Variants in SORCS1 observed in about 807,000 individuals in gnomAD.
SORCS1 encodes the protein sortilin related VPS10 domain containing receptor 1.
SORCS1 carries 60 observed loss-of-function variants against 146.1 expected under a neutral mutation model. That is an observed-to-expected ratio of 0.41 (90% CI 0.33 to 0.51). The LOEUF (loss-of-function observed/expected upper bound fraction) is 0.51. Among genes scored for constraint, SORCS1 ranks in the 20% least tolerant of loss-of-function variants. The probability of loss-of-function intolerance (pLI) is 0.21; values close to 1 mark genes in which losing one functional copy is unlikely to be tolerated. For synonymous variants in SORCS1, 637 were observed against 584.0 expected, an observed-to-expected ratio of 1.09 and a Z score of -1.31; for missense variants, 1,352 against 1,487.6, an observed-to-expected ratio of 0.91 and a Z score of 1.50.
Position 106,776,619 on chromosome 10 carries a change from T to A in SORCS1, c.800A>T (p.Lys267Met). The A allele has an allele frequency of 6.2e-7, 1 of 1,614,120 alleles. No homozygotes were observed. ...ISSDEGATYQ[K>M]YRLNFYIQSL... Reference sequence around the variant, plus strand: ...TTGAATGTAGAAGTTCAGCCGGTACTTTTGATAAGTTGCCCCTTCATCTGA... The same window carrying A: ...TTGAATGTAGAAGTTCAGCCGGTACATTTGATAAGTTGCCCCTTCATCTGA... The change falls in exon 4 of 26, where the codon AAG becomes ATG. Residue 267 changes from lysine (K) to methionine (M), a missense_variant. Lys to Met is a moderately conservative substitution (Grantham distance 95). Coordinates refer to ENST00000263054, the MANE Select transcript of SORCS1 (RefSeq NM_052918.5).
chr10:106,681,394 T>G (rs1426171461), intron 10 of SORCS1, among the ~76,000 whole-genome samples: 15 of 152,242 alleles, frequency 9.9e-5, no homozygotes, highest in Admixed American at 9.8e-4. Context: ...TCTCTAAGAA[T>G]ACACTCTATA....
intron 8 of SORCS1, among the ~76,000 whole-genome samples, chr10:106,701,494 G>C (rs1040282301): frequency 3.9e-5 from 6 of 152,120 alleles, no homozygotes; most frequent in Non-Finnish European, 7.4e-5. Flanking sequence ...TCTCACTATT[G>C]GTTTTTAAGC....
intron 1 of SORCS1, among the ~76,000 whole-genome samples, chr10:107,046,215 G>A (rs1959413758): frequency 6.6e-6 from 1 of 151,954 alleles, no homozygotes; most frequent in South Asian, 2.1e-4. Flanking sequence ...AAGTGCTGGA[G>A]TTGCAATCGG....
At position 107,062,184 on chromosome 10, in the gene SORCS1, A is replaced by G. The variant is rs550702675; in HGVS notation, c.558+101785T>C. ...ATTTTCTTAACTTCAAAGAGCTTAA[A>G]TTTATAACAATAATCTTTATTTATA... On this transcript the variant is annotated intron_variant, in intron 1 of 25. Transcript: ENST00000263054. 1.1e-3 allele frequency among the ~76,000 whole-genome samples: 173 copies of G among 152,318 alleles called. 1 individual carries two copies. The highest frequency in any genetic ancestry group is 1.7e-3 in the Non-Finnish European group (115 of 68,020).
intron 2 of SORCS1, among the ~76,000 whole-genome samples, chr10:106,912,470 G>A (rs748819812): frequency 5.3e-5 from 8 of 152,100 alleles, no homozygotes; most frequent in Non-Finnish European, 1.5e-5. Flanking sequence ...CTGTTTGCCA[G>A]GGAATTTGCA....
At chr10:106,610,548 T>C (rs1053436862) in intron 22 of SORCS1, among the ~76,000 whole-genome samples, 1 of 152,166 alleles carries the variant, frequency 6.6e-6, no homozygotes, top group East Asian at 1.9e-4. Context: ...AGAGGCTGGA[T>C]GTAAGATCTG....
intron 3 of SORCS1, among the ~76,000 whole-genome samples, chr10:106,812,710 T>G (rs1353037958): frequency 1.3e-5 from 2 of 152,162 alleles, no homozygotes; most frequent in Non-Finnish European, 2.9e-5. Flanking sequence ...TATGCATGTA[T>G]GTATATTATG....
chr10:106,812,157 C>T (rs1947493318), intron 3 of SORCS1, among the ~76,000 whole-genome samples: 1 of 152,136 alleles, frequency 6.6e-6, no homozygotes, highest in Non-Finnish European at 1.5e-5. Flanking sequence ...CCCGCCACTG[C>T]ATCCTGCTAA....
intron 22 of SORCS1, among the ~76,000 whole-genome samples, chr10:106,611,342 C>T (rs551887604): frequency 3.2e-4 from 49 of 152,304 alleles, no homozygotes; most frequent in African/African-American, 1.2e-3. Flanking sequence ...TCAGTTGCCT[C>T]ATCTACAAAG....
intron 6 of SORCS1, among the ~76,000 whole-genome samples, 165 bp from the exon 7 acceptor site, chr10:106,709,506 T>C (rs1247964535): frequency 7.0e-6 from 1 of 142,080 alleles, no homozygotes; most frequent in Non-Finnish European, 1.5e-5. Flanking sequence ...TGGAGTGCAG[T>C]GGTGCGATCT....
intron 8 of SORCS1, among the ~76,000 whole-genome samples, chr10:106,702,829 G>T (rs1184933715): frequency 6.6e-6 from 1 of 152,108 alleles, no homozygotes; most frequent in Non-Finnish European, 1.5e-5. Context: ...GAATTTGAGA[G>T]CAAGGTGTGA....
Position 106,995,994 on chromosome 10 carries a change from C to T in SORCS1, c.559-39414G>A, listed in dbSNP as rs149592189. Among the ~76,000 whole-genome samples, 32 of 151,956 alleles carry T rather than the reference C, an allele frequency of 2.1e-4. No homozygotes were observed. The East Asian group carries it at 5.6e-3, about 27-fold the overall frequency. Reference sequence around the variant, plus strand: ...CTGTAATCGCAGCACTTTGGGAGGCCGAAGCGGGTAGATCAGGACCACCCT... The same window carrying T: ...CTGTAATCGCAGCACTTTGGGAGGCTGAAGCGGGTAGATCAGGACCACCCT... On this transcript the variant is annotated intron_variant, in intron 1 of 25. Coordinates refer to ENST00000263054, the MANE Select transcript of SORCS1 (RefSeq NM_052918.5).
intron 2 of SORCS1, among the ~76,000 whole-genome samples, chr10:106,881,076 C>CAAAAAAAAAAAAAAAAAAAAAAAAAAAAA (rs59128024): frequency 1.4e-5 from 1 of 69,168 alleles, no homozygotes. Flanking sequence ...GACTCTGTCT[C>CAAAAAAAAAAAAAAAAAAAAAAAAAAAAA]AAAAAAAAAA....
At chr10:106,694,774 A>G (rs1033401400) in intron 9 of SORCS1, among the ~76,000 whole-genome samples, 17 of 152,156 alleles carry the variant, frequency 1.1e-4, no homozygotes, top group Non-Finnish European at 1.0e-4. Flanking sequence ...CCTTCATGAC[A>G]CCCACCAGGG....
intron 2 of SORCS1, among the ~76,000 whole-genome samples, chr10:106,877,656 A>G (rs1316478177): frequency 6.6e-6 from 1 of 152,178 alleles, no homozygotes; most frequent in African/African-American, 2.4e-5. Context: ...CGAATTCTAG[A>G]TTAGAATCTG....
At chr10:107,046,052 TCCTCCTGCCTC>T (rs1303011430) in intron 1 of SORCS1, among the ~76,000 whole-genome samples, 1 of 152,032 alleles carries the variant, frequency 6.6e-6, no homozygotes, top group Non-Finnish European at 1.5e-5. Flanking sequence ...GTTCAAGCGA[TCCTCCTGCCTC>T]AGCCTCCTGA....
intron 1 of SORCS1, among the ~76,000 whole-genome samples, chr10:107,113,784 G>A (rs554163171): frequency 6.6e-6 from 1 of 151,036 alleles, no homozygotes; most frequent in African/African-American, 2.4e-5. Context: ...CCCAAAGTCA[G>A]CAGAAAGAAA....
chr10:106,771,447 AT>A (rs1265353447), intron 4 of SORCS1, among the ~76,000 whole-genome samples: 1 of 152,236 alleles, frequency 6.6e-6, no homozygotes, highest in African/African-American at 2.4e-5. Flanking sequence ...GGTTTCCTGT[AT>A]TGAGGCAAGA....
At chr10:106,679,563 A>G (rs1852285734) in intron 11 of SORCS1, 69 bp downstream of exon 11, 7 of 1,332,082 alleles carry the variant, frequency 5.3e-6, no homozygotes, top group Non-Finnish European at 7.4e-6. Context: ...TAAACTTCCA[A>G]GTACAGATAT....
Sources: gnomAD v4.1 joint callset for allele counts (sites outside exome capture counted in the v4.1 genomes callset) on GRCh38, gnomAD v4.1.1 for gene constraint, MANE v1.5 for transcripts, NCBI Gene and HGNC (gene_info 2026-07-23, HGNC 2026-07-21) for gene names.